C16orf46: variants seen among roughly 807,000 people sequenced by gnomAD.
The protein encoded by C16orf46 is chromosome 16 open reading frame 46.
Under a neutral mutation model 5.5 loss-of-function variants are expected in C16orf46, and 7 were observed. The observed-to-expected ratio is 1.28, with a 90% confidence interval of 0.73 to 2.40. C16orf46 has a LOEUF of 2.40. Ranked by LOEUF, C16orf46 falls within the 30% of genes most tolerant of loss-of-function variation. The pLI, the probability that C16orf46 is intolerant of heterozygous loss-of-function variation, is 0.00. For missense variants in C16orf46, 614 were observed against 476.0 expected, an observed-to-expected ratio of 1.29 and a Z score of -2.70; for synonymous variants, 200 against 184.1, an observed-to-expected ratio of 1.09 and a Z score of -0.70.
chr16:81,074,359 A>T (rs1971954808), intron 1 of C16orf46, among the ~76,000 whole-genome samples: 1 of 151,894 alleles, frequency 6.6e-6, no homozygotes, highest in African/African-American at 2.4e-5. Flanking sequence ...AAGTTACTAT[A>T]TTTTTTTAAA....
chr16:81,063,831 T>A lies in C16orf46; in HGVS notation c.125A>T (p.Tyr42Phe). The change falls in exon 3 of 4, where the codon TAT becomes TTT. Residue 42 changes from tyrosine to phenylalanine, a missense_variant. Coordinates refer to ENST00000299578, the MANE Select transcript of C16orf46 (RefSeq NM_152337.3). Reference protein sequence around the residue: ...PDGKSEKNHVYCLLDVSDITL... With the variant: ...PDGKSEKNHVFCLLDVSDITL... ...AATGTCACTGACATCGAGAAGACAA[T>A]AAACATGATTTTTTTCACTTTTTCC... 6.2e-7 allele frequency: 1 copy of A among 1,614,036 alleles called. No homozygotes were observed. Among genetic ancestry groups the A allele is most frequent in the East Asian group, 2.2e-5 (1 of 44,872 alleles).
At chr16:81,062,586 G>A (rs1450176395) in intron 3 of C16orf46, among the ~76,000 whole-genome samples, 1 of 152,182 alleles carries the variant, frequency 6.6e-6, no homozygotes, top group Admixed American at 6.5e-5. Context: ...GGCACCGCCA[G>A]TCTCTGCTTC....
At chr16:81,075,300 T>C (rs146883033) in intron 1 of C16orf46, among the ~76,000 whole-genome samples, 1 of 151,478 alleles carries the variant, frequency 6.6e-6, no homozygotes, top group East Asian at 1.9e-4. Flanking sequence ...GGATAAAGAA[T>C]ACATTCTGGC....
At position 81,061,400 on chromosome 16, in the gene C16orf46, T is replaced by G; in HGVS notation, c.949A>C (p.Asn317His). The G allele has an allele frequency of 6.2e-7, 1 of 1,614,160 alleles. No homozygotes were observed. The highest frequency in any genetic ancestry group is 8.5e-7 in the Non-Finnish European group (1 of 1,180,032). The change falls in exon 4 of 4, where the codon AAC becomes CAC. Residue 317 changes from asparagine (N) to histidine (H), a missense_variant. Asn to His is a moderately conservative substitution (Grantham distance 68). Transcript: ENST00000299578. ...KNLACPPDPS[N>H]VRYLAALQLL... Reference sequence around the variant, plus strand: ...TGCAAGGCAGCAAGGTAGCGAACGTTGCTGGGGTCTGGAGGGCACGCCAGG... The same window carrying G: ...TGCAAGGCAGCAAGGTAGCGAACGTGGCTGGGGTCTGGAGGGCACGCCAGG...
rs200088357 is a variant in C16orf46, at chr16:81,061,988, C to A, written c.361G>T (p.Gly121Trp). The part of the protein sequence containing the change: ...WSLQTKPPTE[G>W]GPEKDQSSPS... ...CTGCTCTGATCCTTCTCTGGGCCCC[C>A]CTCAGTAGGAGGCTTGGTCTGGAGG... Residue 121 changes from glycine to tryptophan, a missense_variant, in exon 4 of 4, where the codon GGG becomes TGG. By Grantham distance (184) the Gly-to-Trp change is radical (BLOSUM62 -2). Transcript: ENST00000299578. 1 of 1,614,134 alleles carries A rather than the reference C, an allele frequency of 6.2e-7. No individual in the cohort carries two copies.
Position 81,061,085 on chromosome 16 carries a change from GA to G in C16orf46, c.*75del. The G allele has an allele frequency of 9.0e-7, 1 of 1,108,168 alleles. No homozygotes were observed. Among genetic ancestry groups the G allele is most frequent in the Middle Eastern group, 2.5e-4 (1 of 4,016 alleles). 68.6% of individuals were successfully genotyped at this position (1,108,168 alleles called of 1,614,324 possible). On this transcript the variant is annotated 3_prime_UTR_variant, in exon 4 of 4. Transcript: ENST00000299578. ...GAAAGAGAGAGTGGGGGGTGGGTGG[GA>G]AATGAGAGAGAAGAAAGAGAAAGGA...
chr16:81,065,549 C>G (rs1971629166), intron 2 of C16orf46, among the ~76,000 whole-genome samples: 1 of 151,078 alleles, frequency 6.6e-6, no homozygotes, highest in African/African-American at 2.4e-5. Context: ...ACCCCACAGG[C>G]TGCAGAAATT....
chr16:81,064,703 C>T (rs978438564), intron 2 of C16orf46, among the ~76,000 whole-genome samples: 42 of 148,330 alleles, frequency 2.8e-4, no homozygotes, highest in African/African-American at 9.5e-4. Context: ...GCCAAGATCA[C>T]GCTATTGCAC....
chr16:81,063,444 C>A (rs1971552122), intron 3 of C16orf46, among the ~76,000 whole-genome samples: 1 of 152,014 alleles, frequency 6.6e-6, no homozygotes, highest in Admixed American at 6.6e-5. Context: ...CCAAGTGACT[C>A]AGTATACTCA....
At position 81,064,012 on chromosome 16, in the gene C16orf46, G is replaced by A; in HGVS notation, c.-38-19C>T. 7.7e-7 allele frequency: 1 copy of A among 1,299,430 alleles called. No homozygotes were observed. The highest frequency in any genetic ancestry group is 1.1e-6 in the Non-Finnish European group (1 of 932,088). 80.5% of individuals were successfully genotyped at this position (1,299,430 alleles called of 1,614,324 possible). A position where few individuals can be genotyped will look rare whatever the true frequency, so the allele number is the denominator to read the frequency against. On this transcript the variant is annotated intron_variant, in intron 2 of 3. Transcript: ENST00000299578. Reference sequence around the variant, plus strand: ...CTTCTTGCTGTTTAAAAACATGAATGGAACTTCGTTTTTAATATTAATTTT... The same window carrying A: ...CTTCTTGCTGTTTAAAAACATGAATAGAACTTCGTTTTTAATATTAATTTT...
At chr16:81,063,708 C>T (rs780849269) in intron 3 of C16orf46, 38 bp downstream of exon 3, 27 of 1,545,278 alleles carry the variant, frequency 1.7e-5, no homozygotes, top group Middle Eastern at 1.7e-4. Context: ...CACTGATGTG[C>T]GAGAGACAGA....
downstream of C16orf46, among the ~76,000 whole-genome samples, chr16:81,058,826 C>T (rs149845160): frequency 6.7e-4 from 102 of 152,302 alleles, no homozygotes; most frequent in African/African-American, 2.4e-3. Flanking sequence ...CTTGAGCCCT[C>T]CTTCCTGCCT....
At chr16:81,062,859 A>G (rs1027838988) in intron 3 of C16orf46, among the ~76,000 whole-genome samples, 1 of 145,296 alleles carries the variant, frequency 6.9e-6, no homozygotes. Context: ...GATTAGACCA[A>G]GTTTTCTCAT....
intron 3 of C16orf46, among the ~76,000 whole-genome samples, chr16:81,054,595 C>T (rs752876958): frequency 4.0e-5 from 6 of 151,378 alleles, no homozygotes; most frequent in Non-Finnish European, 5.9e-5. Flanking sequence ...CCCATCTTGG[C>T]GTCCCAAAGT....
At chr16:81,056,792 C>A (rs1971309338), downstream of C16orf46, among the ~76,000 whole-genome samples, 1 of 151,880 alleles carries the variant, frequency 6.6e-6, no homozygotes, top group Non-Finnish European at 1.5e-5. Flanking sequence ...CCTAGAGGAC[C>A]AGCGCAAAAT....
chr16:81,057,680 T>TTGTTGC (rs1971340596), downstream of C16orf46, among the ~76,000 whole-genome samples: 1 of 151,590 alleles, frequency 6.6e-6, no homozygotes, highest in Admixed American at 6.6e-5. Context: ...ATTTAGGTTG[T>TTGTTGC]TGTTGTTGTT....
chr16:81,068,453 G>A (rs1181233300), intron 1 of C16orf46, among the ~76,000 whole-genome samples: 3 of 151,954 alleles, frequency 2.0e-5, no homozygotes, highest in East Asian at 1.9e-4. Flanking sequence ...GAGACCACCC[G>A]ACCAAGAACA....
intron 1 of C16orf46, among the ~76,000 whole-genome samples, chr16:81,069,107 C>A (rs1020028750): frequency 2.0e-5 from 3 of 152,022 alleles, no homozygotes; most frequent in Admixed American, 6.6e-5. Flanking sequence ...GATTTTGTGT[C>A]TGCTTATTTT....
intron 1 of C16orf46, among the ~76,000 whole-genome samples, chr16:81,076,083 C>G (rs1368663277): frequency 6.6e-6 from 1 of 152,102 alleles, no homozygotes; most frequent in Non-Finnish European, 1.5e-5. Context: ...TCCTGTGGGT[C>G]GGCTCCTTAA....
Sources: allele counts gnomAD v4.1 joint callset (sites outside exome capture counted in the v4.1 genomes callset), GRCh38; gene constraint gnomAD v4.1.1; transcripts MANE v1.5; gene names NCBI Gene and HGNC (gene_info 2026-07-23, HGNC 2026-07-21).